The following CADM1 variants were observed in gnomAD, a reference collection of about 807,000 sequenced individuals.
CADM1 encodes cell adhesion molecule 1.
A neutral mutation model predicts 53.1 loss-of-function variants in CADM1; 15 were observed. That is an observed-to-expected ratio of 0.28 (90% CI 0.19 to 0.44). The LOEUF (loss-of-function observed/expected upper bound fraction) is 0.44, where lower values mean the gene tolerates loss of function less well. Ranked by LOEUF, CADM1 falls within the 20% of genes least tolerant of loss-of-function variation. The probability of loss-of-function intolerance (pLI) is 1.00; values close to 1 mark genes in which losing one functional copy is unlikely to be tolerated. For missense variants in CADM1, 434 were observed against 611.3 expected, an observed-to-expected ratio of 0.71 and a Z score of 3.06; for synonymous variants, 281 against 243.0, an observed-to-expected ratio of 1.16 and a Z score of -1.45.
chr11:115,487,611 A>G (rs1318612608), intron 1 of CADM1, among the ~76,000 whole-genome samples: 2 of 152,210 alleles, frequency 1.3e-5, no homozygotes, highest in Non-Finnish European at 2.9e-5. Flanking sequence ...GATCTGATTC[A>G]TGCTGTTGCA....
Position 115,292,667 on chromosome 11 carries a change from G to C in CADM1, c.125-52247C>G, listed in dbSNP as rs566652241. Among the ~76,000 whole-genome samples, 6 of 152,336 alleles carry C rather than the reference G, an allele frequency of 3.9e-5. No individual in the cohort carries two copies. In the South Asian group the frequency reaches 1.2e-3, roughly 32 times the overall value. On this transcript the variant is annotated intron_variant, in intron 1 of 11. Transcript: ENST00000331581. ...TCACATTCAATCCTCCAAGGGATAT[G>C]TGTATCAGGCAGAACAGACATCAGC...
intron 1 of CADM1, among the ~76,000 whole-genome samples, chr11:115,328,777 G>T (rs1405577592): frequency 1.7e-5 from 1 of 58,002 alleles, no homozygotes; most frequent in African/African-American, 4.8e-5. Flanking sequence ...GGGGACAAAA[G>T]AACTTTTAGT....
At chr11:115,323,977 T>C (rs781168611) in intron 1 of CADM1, among the ~76,000 whole-genome samples, 2 of 151,760 alleles carry the variant, frequency 1.3e-5, no homozygotes, top group Non-Finnish European at 2.9e-5. Flanking sequence ...GAGAAGCAGA[T>C]AGCCATACAA....
intron 1 of CADM1, among the ~76,000 whole-genome samples, chr11:115,495,329 A>G (rs1395540786): frequency 6.6e-6 from 1 of 152,182 alleles, no homozygotes; most frequent in Non-Finnish European, 1.5e-5. Context: ...CACATAACCC[A>G]TTCCCCAAAA....
At chr11:115,178,499 T>TC in intron 11 of CADM1, 145 bp downstream of exon 11, 1 of 809,444 alleles carries the variant, frequency 1.2e-6, no homozygotes, top group South Asian at 1.5e-5. Context: ...TTTTTTTTTT[T>TC]TCTCTTCTCT....
At chr11:115,387,505 A>T (rs2135171949) in intron 1 of CADM1, among the ~76,000 whole-genome samples, 1 of 152,324 alleles carries the variant, frequency 6.6e-6, no homozygotes, top group Non-Finnish European at 1.5e-5. Flanking sequence ...TCAAAATTTT[A>T]CTATCTACCC....
At chr11:115,247,144 T>C (rs1276055301) in intron 1 of CADM1, among the ~76,000 whole-genome samples, 3 of 152,358 alleles carry the variant, frequency 2.0e-5, no homozygotes, top group Middle Eastern at 6.8e-3. Context: ...AAAAGCTGAT[T>C]ACTATGCATG....
chr11:115,387,450 C>T (rs1400937741), intron 1 of CADM1, among the ~76,000 whole-genome samples: 2 of 152,008 alleles, frequency 1.3e-5, no homozygotes, highest in Non-Finnish European at 2.9e-5. Context: ...AAAAACATAA[C>T]CACTATGAAG....
chr11:115,489,641 T>C (rs1949449450), intron 1 of CADM1, among the ~76,000 whole-genome samples: 1 of 152,202 alleles, frequency 6.6e-6, no homozygotes, highest in Non-Finnish European at 1.5e-5. Flanking sequence ...GACATGTCTA[T>C]TGGTGGAAAC....
intron 1 of CADM1, among the ~76,000 whole-genome samples, chr11:115,312,018 A>T (rs1263069018): frequency 1.3e-5 from 2 of 152,144 alleles, no homozygotes; most frequent in African/African-American, 4.8e-5. Context: ...TCAACTATTT[A>T]GTGACTAGGA....
chr11:115,426,247 T>C (rs568995521), intron 1 of CADM1, among the ~76,000 whole-genome samples: 1 of 152,286 alleles, frequency 6.6e-6, no homozygotes, highest in East Asian at 1.9e-4. Flanking sequence ...TGCCAGTGGG[T>C]TAAAATGATC....
chr11:115,225,888 T>A (rs545279136), intron 5 of CADM1, among the ~76,000 whole-genome samples: 1 of 152,206 alleles, frequency 6.6e-6, no homozygotes, highest in Non-Finnish European at 1.5e-5. Context: ...CTGGTTAACA[T>A]CCATTCATCT....
chr11:115,504,209 G>A (rs1949800220), intron 1 of CADM1, 62 bp downstream of exon 1: 1 of 1,552,706 alleles, frequency 6.4e-7, no homozygotes, highest in Non-Finnish European at 8.7e-7. Context: ...CCCCCTCTGT[G>A]GCCAAGGCTA....
At chr11:115,387,265 G>A (rs1946722262) in intron 1 of CADM1, among the ~76,000 whole-genome samples, 1 of 152,124 alleles carries the variant, frequency 6.6e-6, no homozygotes, top group South Asian at 2.1e-4. Flanking sequence ...ACTTCTAGCA[G>A]TAATACATGT....
chr11:115,347,104 C>A (rs1231917504), intron 1 of CADM1, among the ~76,000 whole-genome samples: 1 of 152,144 alleles, frequency 6.6e-6, no homozygotes, highest in African/African-American at 2.4e-5. Context: ...ATCTTCATTG[C>A]CAACACAACG....
chr11:115,337,046 GAATT>G (rs963026101), intron 1 of CADM1, among the ~76,000 whole-genome samples: 6 of 152,144 alleles, frequency 3.9e-5, no homozygotes, highest in Admixed American at 1.3e-4. Context: ...GAGGTACAGA[GAATT>G]AATTAATTAA....
intron 11 of CADM1, among the ~76,000 whole-genome samples, chr11:115,177,907 G>T (rs145151592): frequency 5.9e-5 from 9 of 152,182 alleles, no homozygotes; most frequent in African/African-American, 2.2e-4. Flanking sequence ...AGAAAACCCC[G>T]CAAGCTCATT....
intron 1 of CADM1, among the ~76,000 whole-genome samples, chr11:115,475,223 T>G (rs1426782053): frequency 6.6e-6 from 1 of 152,196 alleles, no homozygotes; most frequent in East Asian, 1.9e-4. Flanking sequence ...ATATAGTTGT[T>G]ATACTATATT....
chr11:115,282,757 T>A (rs1195718902), intron 1 of CADM1, among the ~76,000 whole-genome samples: 1 of 152,184 alleles, frequency 6.6e-6, no homozygotes, highest in Non-Finnish European at 1.5e-5. Flanking sequence ...TCAAAGTAGC[T>A]GAGACAAGAA....
Sources: allele counts gnomAD v4.1 joint callset (sites outside exome capture counted in the v4.1 genomes callset), GRCh38; gene constraint gnomAD v4.1.1; transcripts MANE v1.5; gene names NCBI Gene and HGNC (gene_info 2026-07-23, HGNC 2026-07-21).